The following CLVS2 variants were observed in gnomAD, a reference collection of about 807,000 sequenced individuals.
CLVS2 encodes clavesin 2.
CLVS2 carries 19 observed loss-of-function variants against 29.0 expected under a neutral mutation model. The observed-to-expected ratio is 0.66, with a 90% CI of 0.46 to 0.96. The LOEUF (loss-of-function observed/expected upper bound fraction) is 0.96. Ranked by LOEUF, CLVS2 falls within the 40% of genes least tolerant of loss-of-function variation. CLVS2 has a pLI of 0.00. For missense variants in CLVS2, 294 were observed against 404.1 expected, an observed-to-expected ratio of 0.73 and a Z score of 2.34; for synonymous variants, 161 against 151.3, an observed-to-expected ratio of 1.06 and a Z score of -0.47.
In CLVS2 at chr6:122,998,045, A is replaced by G. The variant is rs1024154830; in HGVS notation, c.268A>G (p.Lys90Glu). 1.2e-6 allele frequency: 2 copies of G among 1,614,040 alleles called. No homozygotes were observed. The highest frequency in any genetic ancestry group is 2.7e-5 in the African/African-American group (2 of 74,902). ...GAACCTGGACATGTTCAAAAGCTTT[A>G]AGGCCACCGACCCTGGCATCAAGCA... ...QQNLDMFKSF[K>E]ATDPGIKQAL... The change falls in exon 2 of 6, where the codon AAG becomes GAG. Residue 90 changes from lysine (K) to glutamate (E), a missense_variant. Lys to Glu is a moderately conservative substitution (Grantham distance 56). Around this residue, in one of 2 missense-constraint regions of CLVS2, gnomAD observed 212 missense variants for 336.4 expected, o/e 0.63. Coordinates refer to ENST00000275162, the MANE Select transcript of CLVS2 (RefSeq NM_001010852.4).
Position 122,997,960 on chromosome 6 carries a change from G to C in CLVS2, c.183G>C (p.Arg61Ser). The C allele has an allele frequency of 6.2e-7, 1 of 1,614,124 alleles. No homozygotes were observed. The highest frequency in any genetic ancestry group is 8.5e-7 in the Non-Finnish European group (1 of 1,179,984). ...DAFILRFLRARKFHHFEAFRL... is the reference protein window; with the variant it reads ...DAFILRFLRASKFHHFEAFRL... ...TCATCTTACGCTTCTTGCGGGCTAGGAAGTTTCATCACTTTGAGGCCTTCC... is the reference window on the plus strand; with the variant it reads ...TCATCTTACGCTTCTTGCGGGCTAGCAAGTTTCATCACTTTGAGGCCTTCC... Residue 61 changes from arginine (R) to serine (S), a missense_variant, in exon 2 of 6, where the codon AGG becomes AGC. By Grantham distance (110) the Arg-to-Ser change is moderately radical. This residue lies in a region of CLVS2 where 212 missense variants were observed against 336.4 expected (regional missense o/e 0.63). Coordinates refer to ENST00000275162, the MANE Select transcript of CLVS2 (RefSeq NM_001010852.4).
intron 3 of CLVS2, among the ~76,000 whole-genome samples, chr6:123,032,731 G>A (rs143012757): frequency 1.9e-4 from 29 of 152,142 alleles, no homozygotes; most frequent in African/African-American, 7.0e-4. Context: ...CCACTTACCA[G>A]TGAATACAAA....
chr6:123,042,212 A>T (rs1005264888), intron 3 of CLVS2, among the ~76,000 whole-genome samples: 1 of 152,150 alleles, frequency 6.6e-6, no homozygotes, highest in African/African-American at 2.4e-5. Context: ...ATCTCTAGAG[A>T]CTGATGTCTC....
intron 5 of CLVS2, 22 bp from the exon 6 acceptor site, chr6:123,063,652 A>G: frequency 2.1e-6 from 3 of 1,425,542 alleles, no homozygotes; most frequent in African/African-American, 1.4e-5. Context: ...TAACTCACTG[A>G]CGTTGGCTTT....
At chr6:123,003,276 A>C (rs1774616251) in intron 2 of CLVS2, among the ~76,000 whole-genome samples, 1 of 152,240 alleles carries the variant, frequency 6.6e-6, no homozygotes, top group African/African-American at 2.4e-5. Flanking sequence ...CGAGAAGCAA[A>C]GGACTTGAGG....
rs189899914 is a variant in CLVS2, at chr6:123,072,743, G to C, written c.*8982G>C. ...CTAAGGGTATGTTCCTTGGTAAATT[G>C]TGTTAATTATGTCCACTTTATAATG... On this transcript the variant is annotated 3_prime_UTR_variant, in exon 6 of 6. Transcript: ENST00000275162. 4.3e-4 allele frequency: 65 copies of C among 152,130 alleles called. No homozygotes were observed. The highest frequency in any genetic ancestry group is 1.4e-3 in the African/African-American group (60 of 41,530). 9.4% of individuals were successfully genotyped at this position (152,130 alleles called of 1,614,324 possible). A position where few individuals can be genotyped will look rare whatever the true frequency, so the allele number is the denominator to read the frequency against.
chr6:123,009,105 T>C (rs1217289228), intron 2 of CLVS2, among the ~76,000 whole-genome samples: 1 of 152,068 alleles, frequency 6.6e-6, no homozygotes, highest in African/African-American at 2.4e-5. Context: ...TGAACACCTG[T>C]TTATACCGAG....
At chr6:123,014,898 C>T (rs1035157834) in intron 3 of CLVS2, among the ~76,000 whole-genome samples, 4 of 152,000 alleles carry the variant, frequency 2.6e-5, no homozygotes, top group Non-Finnish European at 5.9e-5. Context: ...AAATAAAATA[C>T]ATTTTCATGT....
intron 4 of CLVS2, 143 bp from the exon 5 acceptor site, chr6:123,055,663 G>A (rs1772683326): frequency 3.1e-6 from 2 of 643,362 alleles, no homozygotes; most frequent in South Asian, 3.6e-5. Flanking sequence ...CTGTTTTACA[G>A]AGTAGATGAC....
intron 2 of CLVS2, among the ~76,000 whole-genome samples, chr6:123,008,772 G>A (rs1321405512): frequency 6.6e-6 from 1 of 151,570 alleles, no homozygotes; most frequent in Non-Finnish European, 1.5e-5. Flanking sequence ...ATAGGTTTCA[G>A]GTCCTGACAG....
At chr6:123,044,841 G>A (rs1772456914) in intron 3 of CLVS2, among the ~76,000 whole-genome samples, 2 of 152,096 alleles carry the variant, frequency 1.3e-5, no homozygotes, top group African/African-American at 4.8e-5. Flanking sequence ...GTTTTTTTGT[G>A]TGACTCAGTT....
intron 4 of CLVS2, among the ~76,000 whole-genome samples, chr6:123,051,090 T>G (rs1314060792): frequency 6.6e-6 from 1 of 152,156 alleles, no homozygotes; most frequent in South Asian, 2.1e-4. Flanking sequence ...ATTAAATTTC[T>G]TCACTGATAT....
intron 3 of CLVS2, among the ~76,000 whole-genome samples, chr6:123,034,555 G>T (rs1775124264): frequency 6.6e-6 from 1 of 152,116 alleles, no homozygotes; most frequent in African/African-American, 2.4e-5. Context: ...GATTACTAGG[G>T]ATTAGGAATT....
chr6:123,061,774 TATATTAGGGCA>T (rs1261586302), intron 5 of CLVS2, among the ~76,000 whole-genome samples: 1 of 152,214 alleles, frequency 6.6e-6, no homozygotes, highest in Non-Finnish European at 1.5e-5. Flanking sequence ...TGTGTAATAG[TATATTAGGGCA>T]AATGCTTAAC....
intron 2 of CLVS2, among the ~76,000 whole-genome samples, chr6:123,002,494 T>A (rs74584236): frequency 9.9e-5 from 15 of 152,150 alleles, no homozygotes; most frequent in Non-Finnish European, 2.1e-4. Flanking sequence ...ATGGTGATGA[T>A]AACTTACAAT....
chr6:123,020,316 T>C (rs541471345), intron 3 of CLVS2, among the ~76,000 whole-genome samples: 3 of 152,218 alleles, frequency 2.0e-5, no homozygotes, highest in African/African-American at 7.2e-5. Flanking sequence ...AATCATTTCC[T>C]TTGAATGCCA....
chr6:123,047,441 G>T (rs948930554), intron 3 of CLVS2, among the ~76,000 whole-genome samples: 9 of 151,904 alleles, frequency 5.9e-5, no homozygotes, highest in Non-Finnish European at 1.0e-4. Context: ...GCTTTATAGG[G>T]TATTATTCTC....
At chr6:122,998,571 CATT>C (rs1774546135) in intron 2 of CLVS2, among the ~76,000 whole-genome samples, 1 of 152,330 alleles carries the variant, frequency 6.6e-6, no homozygotes, top group South Asian at 2.1e-4. Flanking sequence ...GACCCATCAT[CATT>C]GTCATCATCA....
At chr6:123,035,072 G>A (rs1582656067) in intron 3 of CLVS2, among the ~76,000 whole-genome samples, 1 of 152,020 alleles carries the variant, frequency 6.6e-6, no homozygotes, top group African/African-American at 2.4e-5. Context: ...GAACACCATG[G>A]CATTATCTTC....
Sources: allele counts gnomAD v4.1 joint callset (sites outside exome capture counted in the v4.1 genomes callset), GRCh38; gene constraint gnomAD v4.1.1; regional missense constraint gnomAD v4.1.1; transcripts MANE v1.5; gene names NCBI Gene and HGNC (gene_info 2026-07-23, HGNC 2026-07-21).